Variants in KRT34 observed in about 807,000 individuals in gnomAD.
KRT34 encodes keratin, type I cuticular Ha4.
KRT34 carries 31 observed loss-of-function variants against 41.7 expected under a neutral mutation model. The ratio of observed to expected loss-of-function variants is 0.74; its 90% CI spans 0.56 to 1.00. KRT34 has a LOEUF of 1.00. KRT34 is among the 50% of genes least tolerant of loss of function. The pLI, the probability that KRT34 is intolerant of heterozygous loss-of-function variation, is 0.00. For synonymous variants in KRT34, 224 were observed against 212.9 expected (o/e 1.05, Z -0.45); for missense variants, 523 against 500.3 (o/e 1.05, Z -0.43).
chr17:41,383,060 C>T (rs143188669), upstream of KRT34, among the ~76,000 whole-genome samples: 1,521 of 143,228 alleles, frequency 0.011, no homozygotes, highest in Middle Eastern at 0.03. Context: ...CACTCTGTCG[C>T]CCAGGCTGGA....
upstream of KRT34, among the ~76,000 whole-genome samples, chr17:41,383,703 A>G (rs1270978773): frequency 1.3e-5 from 2 of 152,002 alleles, no homozygotes; most frequent in Non-Finnish European, 2.9e-5. Flanking sequence ...TTATTTCTAG[A>G]CTTGTTCCTC....
chr17:41,378,715 T>C (rs1331008435), intron 6 of KRT34, among the ~76,000 whole-genome samples: 2 of 152,240 alleles, frequency 1.3e-5, no homozygotes, highest in Non-Finnish European at 2.9e-5. Flanking sequence ...TAATGTGCCT[T>C]ACACAAATGT....
At position 41,379,420 on chromosome 17, in the gene KRT34, G is replaced by C; in HGVS notation, c.809C>G (p.Ala270Gly). The change falls in exon 5 of 7, where the codon GCG becomes GGG. Residue 270 changes from alanine to glycine, a missense_variant. Ala to Gly is a moderately conservative substitution (Grantham distance 60, BLOSUM62 0). Coordinates refer to ENST00000394001, the MANE Select transcript of KRT34 (RefSeq NM_001386014.1). ...SSSEQLQSCQ[A>G]EIIELRRTVN... is the part of the protein sequence containing the mutation. ...TGTGCGTCTCAGCTCGATGATCTCC[G>C]CCTGGCAGGACTGCAGCTGCTCTGA... 6.2e-7 allele frequency: 1 copy of C among 1,613,950 alleles called. No individual in the cohort carries two copies.
chr17:41,382,658 G>A (rs1028098359), upstream of KRT34, among the ~76,000 whole-genome samples: 3 of 152,166 alleles, frequency 2.0e-5, no homozygotes, highest in East Asian at 1.9e-4. Context: ...AGGAGTTTCC[G>A]CCACTGTTCT....
chr17:41,381,567 A>G, intron 2 of KRT34, 146 bp downstream of exon 2: 2 of 713,104 alleles, frequency 2.8e-6, no homozygotes, highest in South Asian at 3.9e-5. Context: ...CAGGCAGCAC[A>G]TGAGTCTAGT....
At chr17:41,379,869 T>C in intron 3 of KRT34, 138 bp from the exon 4 acceptor site, 1 of 925,622 alleles carries the variant, frequency 1.1e-6, no homozygotes. Flanking sequence ...ACACACATTT[T>C]ATAGCAATAA....
Position 41,379,586 on chromosome 17 carries a change from T to C in KRT34, c.734A>G (p.Gln245Arg), listed in dbSNP as rs144798471. 67 of 1,613,924 alleles carry C rather than the reference T, an allele frequency of 4.2e-5. No individual in the cohort carries two copies. The Admixed American group carries it at 5.5e-4, about 13-fold the overall frequency. ...GATGCCCACCTGCGTGGCGAACCAT[T>C]GCTCCACTTCCCTGCGGTTAATTTC... ...LVEINRREVE[Q>R]WFATQTEELN... is the part of the protein sequence containing the mutation. The change falls in exon 4 of 7, where the codon CAA (glutamine) becomes CGA (arginine). Residue 245 changes from glutamine (Q) to arginine (R), a missense_variant. Coordinates refer to ENST00000394001, the MANE Select transcript of KRT34 (RefSeq NM_001386014.1).
rs547092908 is a variant in KRT34 at position 41,382,089 on chromosome 17, T to C, written c.158A>G (p.Asn53Ser). 9.3e-6 allele frequency: 15 copies of C among 1,612,820 alleles called. No individual in the cohort carries two copies. In the Admixed American group the frequency reaches 2.2e-4, roughly 23 times the overall value. ...NCNWFCEGSF[N>S]GSEKETMQFL... ...CTGCATAGTCTCCTTCTCGCTGCCATTGAAGGAGCCCTCACAGAACCAGTT... is the reference window on the plus strand; with the variant it reads ...CTGCATAGTCTCCTTCTCGCTGCCACTGAAGGAGCCCTCACAGAACCAGTT... The change falls in exon 1 of 7, where the codon AAT (asparagine) becomes AGT (serine). Residue 53 changes from asparagine (N) to serine (S), a missense_variant. By Grantham distance (46) the Asn-to-Ser change is conservative. Transcript: ENST00000394001.
intron 3 of KRT34, among the ~76,000 whole-genome samples, chr17:41,380,242 A>G (rs1328027162): frequency 6.7e-6 from 1 of 148,362 alleles, no homozygotes; most frequent in East Asian, 2.0e-4. Context: ...CTGGTGACAG[A>G]GCATGACTCC....
chr17:41,383,008 TG>T (rs1264759910), upstream of KRT34, among the ~76,000 whole-genome samples: 3 of 151,582 alleles, frequency 2.0e-5, no homozygotes, highest in Admixed American at 2.0e-4. Context: ...ATAAAGTTTT[TG>T]TTTGTTTGTT....
upstream of KRT34, among the ~76,000 whole-genome samples, chr17:41,383,122 C>A (rs1217759327): frequency 1.3e-5 from 2 of 151,830 alleles, no homozygotes; most frequent in African/African-American, 4.8e-5. Context: ...CGGGTTCAAG[C>A]AATTATCTGC....
chr17:41,383,542 G>A (rs1167805249), upstream of KRT34, among the ~76,000 whole-genome samples: 1 of 152,138 alleles, frequency 6.6e-6, no homozygotes, highest in South Asian at 2.1e-4. Flanking sequence ...ACAGTCTGGA[G>A]CAGTGAGAGT....
In KRT34 at chr17:41,378,001, C is replaced by T; in HGVS notation, c.*58G>A. On this transcript the variant is annotated 3_prime_UTR_variant, in exon 7 of 7. Coordinates refer to ENST00000394001, the MANE Select transcript of KRT34 (RefSeq NM_001386014.1). ...TCCAGAAAAGTCAGGACTTGAGGAT[C>T]CTTCCTGTGGTTGATCTAAATGGCT... 1.6e-6 allele frequency: 2 copies of T among 1,284,102 alleles called. No homozygotes were observed. Among genetic ancestry groups the T allele is most frequent in the South Asian group, 1.2e-5 (1 of 81,896 alleles). The allele number at this position is 1,284,102 out of a possible 1,614,324, so 79.5% of individuals were successfully genotyped here.
At chr17:41,382,326 A>G (rs1001598783), upstream of KRT34, 1 of 1,613,426 alleles carries the variant, frequency 6.2e-7, no homozygotes, top group Non-Finnish European at 8.5e-7. Flanking sequence ...CTTCCTCTGC[A>G]GTCCTTTTAT....
upstream of KRT34, chr17:41,382,383 C>T: frequency 6.3e-7 from 1 of 1,595,030 alleles, no homozygotes; most frequent in Admixed American, 1.7e-5. Flanking sequence ...AGTTTCCTTT[C>T]CTAATGCTTC....
Position 41,381,895 on chromosome 17 carries a change from T to A in KRT34, c.348+4A>T. ...CTGGCCCCCCATATGGCCAACCCCC[T>A]CACCTTCTGCTGGAGCTCCTCAATG... On this transcript the variant is annotated splice_donor_region_variant and intron_variant, in intron 1 of 6. Transcript: ENST00000394001. The A allele has an allele frequency of 6.2e-7, 1 of 1,613,750 alleles. No individual in the cohort carries two copies.
Position 41,379,104 on chromosome 17 carries a change from G to A in KRT34, c.949C>T (p.Leu317=). The part of the protein sequence containing the change: ...YSSQLSQVQS[L]ITNVESQLAE... The stretch of plus-strand genomic sequence containing the variant: ...AGCTGAGACTCCACGTTGGTGATCA[G>A]GCTCTGCACCTGGGACAGCTGGGAG... The change falls in exon 6 of 7, where the codon CTG becomes TTG. Residue 317 remains leucine (L), a synonymous_variant. Coordinates refer to ENST00000394001, the MANE Select transcript of KRT34 (RefSeq NM_001386014.1). 1 of 1,614,214 alleles carries A rather than the reference G, an allele frequency of 6.2e-7. No homozygotes were observed. Among genetic ancestry groups the A allele is most frequent in the Non-Finnish European group, 8.5e-7 (1 of 1,180,038 alleles).
At chr17:41,382,440 C>T (rs534829468), upstream of KRT34, 11 of 1,230,878 alleles carry the variant, frequency 8.9e-6, no homozygotes, top group Non-Finnish European at 9.2e-6. Context: ...TCTAAAGAGT[C>T]CCCCCTCAAC....
chr17:41,381,664 G>A (rs1474581782), intron 2 of KRT34, 49 bp downstream of exon 2: 1 of 1,482,264 alleles, frequency 6.7e-7, no homozygotes, highest in African/African-American at 1.4e-5. Flanking sequence ...GGCAATAGTA[G>A]GTCCCTAGGG....
Sources: gnomAD v4.1 joint callset for allele counts (sites outside exome capture counted in the v4.1 genomes callset) on GRCh38, gnomAD v4.1.1 for gene constraint, MANE v1.5 for transcripts, NCBI Gene and HGNC (gene_info 2026-07-23, HGNC 2026-07-21) for gene names.